TPO: variants seen among roughly 807,000 people sequenced by gnomAD.
TPO encodes the protein thyroid microsomal antigen.
In TPO, 78 loss-of-function variants were observed where a neutral mutation model predicts 96.9. The ratio of observed to expected loss-of-function variants is 0.81; its 90% confidence interval spans 0.67 to 0.97. The LOEUF (loss-of-function observed/expected upper bound fraction) is 0.97. TPO is among the 50% of genes least tolerant of loss of function. The pLI is 0.00. For synonymous variants in TPO, 547 were observed against 538.0 expected (o/e 1.02, Z -0.23); for missense variants, 1,252 against 1,274.8 (o/e 0.98, Z 0.27).
At chr2:1,399,580 A>G (rs1040311847) in intron 1 of TPO, among the ~76,000 whole-genome samples, 5 of 152,250 alleles carry the variant, frequency 3.3e-5, no homozygotes, top group Admixed American at 3.3e-4. Flanking sequence ...GGAATTTTTC[A>G]TGTAATATTT....
intron 7 of TPO, among the ~76,000 whole-genome samples, chr2:1,469,661 T>C (rs1351482452): frequency 6.6e-6 from 1 of 152,158 alleles, no homozygotes; most frequent in Non-Finnish European, 1.5e-5. Context: ...TCCTCTACTC[T>C]TGTATTCCAC....
chr2:1,512,971 G>A (rs1236595083), intron 14 of TPO, among the ~76,000 whole-genome samples: 1 of 152,212 alleles, frequency 6.6e-6, no homozygotes, highest in Non-Finnish European at 1.5e-5. Context: ...AAGCCTAACT[G>A]TTGTTGCACG....
At chr2:1,404,445 C>T (rs1442795075) in intron 1 of TPO, among the ~76,000 whole-genome samples, 3 of 152,168 alleles carry the variant, frequency 2.0e-5, no homozygotes, top group Admixed American at 2.0e-4. Flanking sequence ...TGACCCCCAG[C>T]ATTTCAGAAT....
intron 15 of TPO, among the ~76,000 whole-genome samples, chr2:1,525,560 CTG>C (rs1676251015): frequency 1.0e-5 from 1 of 96,674 alleles, no homozygotes; most frequent in South Asian, 4.2e-4. Flanking sequence ...AATCCCCCCA[CTG>C]TGTGCAAACC....
In TPO at chr2:1,385,352, G is replaced by A. The variant is rs558173812; in HGVS notation, n.180+10950G>A. ...TCTGTCCAGTCCTGGACTTTTTTTG[G>A]TTGGTAAGCTATTAATTATTGCCTC... On this transcript the variant is annotated intron_variant and non_coding_transcript_variant, in intron 1 of 5. Coordinates refer to the TPO transcript ENST00000497517. Among the ~76,000 whole-genome samples the A allele has an allele frequency of 7.2e-5, 11 of 152,136 alleles. No individual in the cohort carries two copies. The South Asian group carries it at 2.3e-3, about 32-fold the overall frequency.
intron 5 of TPO, chr2:1,439,104 G>A (rs897058668): frequency 2.1e-5 from 9 of 430,290 alleles, no homozygotes; most frequent in African/African-American, 7.9e-5. Flanking sequence ...CAGGGCCTCA[G>A]CCGGCAGCAG....
chr2:1,400,701 G>T lies in TPO; in HGVS notation n.180+26299G>T, dbSNP rs77367664. On this transcript the variant is annotated intron_variant and non_coding_transcript_variant, in intron 1 of 5. Coordinates refer to the TPO transcript ENST00000497517. ...AAATGAAAACGTAAATTTCCTTCAC[G>T]TTTCAGTGGAACTGATGCAGGCTTT... is the stretch of plus-strand genomic sequence containing the variant. Among the ~76,000 whole-genome samples, 290 of 148,760 alleles carry T rather than the reference G, an allele frequency of 1.9e-3. 5 individuals are homozygous for T. In the East Asian group the frequency reaches 0.043, roughly 22 times the overall value.
In TPO at chr2:1,516,959, C is replaced by T. The variant is rs373215668; in HGVS notation, c.2595C>T (p.Leu865=). ...AALLIGGFAG[L]TSTVICRWTR... ...TGCTGATCGGAGGCTTCGCAGGTCT[C>T]ACCTCGACGGTGATTTGCAGGTGGT... is the stretch of plus-strand genomic sequence containing the variant. The change falls in exon 15 of 17, where the codon CTC becomes CTT. Residue 865 remains leucine (L), a synonymous_variant. Transcript: ENST00000329066. The T allele has an allele frequency of 1.2e-5, 20 of 1,613,880 alleles. No individual in the cohort carries two copies. Among genetic ancestry groups the T allele is most frequent in the Non-Finnish European group, 1.7e-5 (20 of 1,180,048 alleles).
At chr2:1,382,003 G>A (rs1661817871) in intron 1 of TPO, among the ~76,000 whole-genome samples, 1 of 152,164 alleles carries the variant, frequency 6.6e-6, no homozygotes, top group African/African-American at 2.4e-5. Flanking sequence ...TGGGAAGATG[G>A]AGGAGTTTTT....
chr2:1,421,084 G>A (rs1452493016), intron 2 of TPO, among the ~76,000 whole-genome samples: 1 of 152,094 alleles, frequency 6.6e-6, no homozygotes, highest in Non-Finnish European at 1.5e-5. Flanking sequence ...AGCCAGAAAT[G>A]CACCCGAGGT....
rs1451241500 is a variant in TPO at position 1,439,121 on chromosome 2, C to A, written c.482+2737C>A. 2.8e-5 allele frequency: 11 copies of A among 395,732 alleles called. No individual in the cohort carries two copies. The East Asian group carries it at 4.6e-4, about 16-fold the overall frequency. The allele number at this position is 395,732 out of a possible 1,614,324, so 24.5% of individuals were successfully genotyped here. A position where few individuals can be genotyped will look rare whatever the true frequency, so the allele number is the denominator to read the frequency against. ...GGGCCTCAGCCGGCAGCAGTGAGTT[C>A]CTGCTCGGCCCTTCTGAAAGGCCCT... On this transcript the variant is annotated intron_variant, in intron 5 of 16. Transcript: ENST00000329066.
intron 5 of TPO, among the ~76,000 whole-genome samples, chr2:1,443,946 G>C (rs1490558244): frequency 8.0e-6 from 1 of 125,004 alleles, no homozygotes; most frequent in Non-Finnish European, 1.6e-5. Flanking sequence ...GCTGCAGGAG[G>C]TACCATGTTG....
intron 1 of TPO, among the ~76,000 whole-genome samples, chr2:1,397,959 G>A (rs576968042): frequency 1.3e-5 from 2 of 152,178 alleles, no homozygotes; most frequent in Non-Finnish European, 2.9e-5. Flanking sequence ...TGCACCTTGT[G>A]CAGAAAAAAG....
intron 16 of TPO, 122 bp from the exon 17 acceptor site, chr2:1,542,299 T>C (rs577929545): frequency 7.5e-7 from 1 of 1,336,512 alleles, no homozygotes; most frequent in African/African-American, 1.4e-5. Flanking sequence ...ATGGCTCATC[T>C]CGCCAGCGGT....
intron 11 of TPO, among the ~76,000 whole-genome samples, chr2:1,495,186 A>G (rs1672202082): frequency 6.6e-6 from 1 of 152,182 alleles, no homozygotes; most frequent in African/African-American, 2.4e-5. Context: ...TTATGACCAC[A>G]TATCTCCCCA....
intron 1 of TPO, among the ~76,000 whole-genome samples, chr2:1,400,653 G>A (rs1464935174): frequency 7.3e-6 from 1 of 136,114 alleles, no homozygotes; most frequent in African/African-American, 2.7e-5. Flanking sequence ...CACTTATGAT[G>A]TGCAAAATTG....
chr2:1,426,672 C>T (rs1452952989), intron 3 of TPO, among the ~76,000 whole-genome samples: 4 of 152,214 alleles, frequency 2.6e-5, no homozygotes, highest in Non-Finnish European at 5.9e-5. Flanking sequence ...GTCCATGCTC[C>T]TTCTGTAAAG....
chr2:1,487,839 T>C lies in TPO; in HGVS notation c.1616T>C (p.Ile539Thr). 1.9e-6 allele frequency: 3 copies of C among 1,614,232 alleles called. No individual in the cohort carries two copies. Among genetic ancestry groups the C allele is most frequent in the Non-Finnish European group, 2.5e-6 (3 of 1,180,038 alleles). ...TTTCCAGGTGGTTTGGACCCACTAA[T>C]ACGAGGCCTTCTTGCAAGACCAGCC... is the stretch of plus-strand genomic sequence containing the variant. ...LLRGGGLDPLIRGLLARPAKL... is the reference protein window; with the variant it reads ...LLRGGGLDPLTRGLLARPAKL... Residue 539 changes from isoleucine to threonine, a missense_variant, in exon 10 of 17, where the codon ATA becomes ACA. Ile to Thr is a moderately conservative substitution (Grantham distance 89). Coordinates refer to ENST00000329066, the MANE Select transcript of TPO (RefSeq NM_001206744.2).
At chr2:1,500,035 TAGC>T (rs1216532989) in intron 13 of TPO, among the ~76,000 whole-genome samples, 3 of 152,218 alleles carry the variant, frequency 2.0e-5, no homozygotes, top group East Asian at 3.9e-4. Flanking sequence ...ACTACACAGT[TAGC>T]AGGGCGTCTG....
Sources: gnomAD v4.1 joint callset for allele counts (sites outside exome capture counted in the v4.1 genomes callset) on GRCh38, gnomAD v4.1.1 for gene constraint, MANE v1.5 for transcripts, NCBI Gene and HGNC (gene_info 2026-07-23, HGNC 2026-07-21) for gene names.